CFAP53: variants seen among roughly 807,000 people sequenced by gnomAD.
CFAP53 encodes cilia and flagella associated protein 53.
Under a neutral mutation model 59.7 loss-of-function variants are expected in CFAP53, and 62 were observed. The observed-to-expected ratio is 1.04, with a 90% CI of 0.85 to 1.28. The LOEUF is 1.28. Ranked by LOEUF, CFAP53 falls within the 50% of genes most tolerant of loss-of-function variation. CFAP53 has a pLI of 0.00. For missense variants in CFAP53, 629 were observed against 615.6 expected, an observed-to-expected ratio of 1.02 and a Z score of -0.23; for synonymous variants, 218 against 205.7, an observed-to-expected ratio of 1.06 and a Z score of -0.51.
At chr18:50,251,948 C>T (rs1305871339) in intron 3 of CFAP53, among the ~76,000 whole-genome samples, 164 bp from the exon 4 acceptor site, 1 of 152,128 alleles carries the variant, frequency 6.6e-6, no homozygotes, top group Non-Finnish European at 1.5e-5. Context: ...AGGGCAAGCA[C>T]CAGGATGGCA....
At chr18:50,262,652 T>C (rs1475541027) in intron 1 of CFAP53, among the ~76,000 whole-genome samples, 4 of 152,202 alleles carry the variant, frequency 2.6e-5, no homozygotes, top group African/African-American at 7.2e-5. Flanking sequence ...TTGGACACCA[T>C]AGTTATCACA....
intron 6 of CFAP53, among the ~76,000 whole-genome samples, chr18:50,242,105 G>A (rs1243845217): frequency 6.6e-6 from 1 of 152,180 alleles, no homozygotes; most frequent in African/African-American, 2.4e-5. Context: ...GAAAAACATG[G>A]CTCTATTCTG....
intron 6 of CFAP53, among the ~76,000 whole-genome samples, chr18:50,241,924 G>C (rs1031405009): frequency 1.3e-5 from 2 of 152,150 alleles, no homozygotes; most frequent in Non-Finnish European, 2.9e-5. Context: ...TAAGCCTGAG[G>C]GTACTGCAGG....
intron 3 of CFAP53, among the ~76,000 whole-genome samples, chr18:50,254,176 G>A (rs1400084943): frequency 1.3e-5 from 2 of 149,092 alleles, no homozygotes; most frequent in East Asian, 1.9e-4. Flanking sequence ...AAAAAACCAC[G>A]TATCGGACAA....
intron 3 of CFAP53, among the ~76,000 whole-genome samples, chr18:50,254,192 T>C (rs2033826291): frequency 6.8e-6 from 1 of 147,456 alleles, no homozygotes; most frequent in African/African-American, 2.5e-5. Flanking sequence ...GACAAAGAAG[T>C]ACTGTCTAGA....
At chr18:50,263,051 C>T (rs891590594) in intron 1 of CFAP53, among the ~76,000 whole-genome samples, 8 of 152,292 alleles carry the variant, frequency 5.3e-5, no homozygotes, top group Non-Finnish European at 1.0e-4. Context: ...ATCACATAGC[C>T]TATATCTTTT....
intron 7 of CFAP53, among the ~76,000 whole-genome samples, chr18:50,233,629 C>A (rs376059570): frequency 2.0e-4 from 30 of 152,346 alleles, no homozygotes; most frequent in Admixed American, 8.5e-4. Flanking sequence ...TACATATTGT[C>A]ATTTTCCTTA....
rs1384654109 is a variant in CFAP53 at position 50,255,884 on chromosome 18, G to A, written c.474-4100C>T. ...CAATGGAATACAAAAAAAAAAAGAG[G>A]AAAATTTTCATTCTGCTTTATATTA... On this transcript the variant is annotated intron_variant, in intron 3 of 7. Coordinates refer to ENST00000398545, the MANE Select transcript of CFAP53 (RefSeq NM_145020.5). 4.0e-5 allele frequency among the ~76,000 whole-genome samples: 6 copies of A among 151,184 alleles called. No individual in the cohort carries two copies. The East Asian group carries it at 5.8e-4, about 15-fold the overall frequency.
chr18:50,242,784 C>CT (rs1324616800), intron 6 of CFAP53, 116 bp downstream of exon 6: 7 of 851,602 alleles, frequency 8.2e-6, no homozygotes, highest in African/African-American at 1.7e-5. Flanking sequence ...TGCCTTCATC[C>CT]TTTTTGCATC....
chr18:50,260,164 C>G (rs574100299), intron 3 of CFAP53, among the ~76,000 whole-genome samples: 114 of 152,242 alleles, frequency 7.5e-4, no homozygotes, highest in African/African-American at 2.6e-3. Flanking sequence ...AGGGCACAGA[C>G]TCAGAGTATC....
chr18:50,245,318 C>T (rs1257871460), intron 5 of CFAP53, among the ~76,000 whole-genome samples: 1 of 146,052 alleles, frequency 6.8e-6, no homozygotes, highest in Admixed American at 7.0e-5. Context: ...GGAAGCGGAG[C>T]TTGCAGTGAG....
rs780604229 is a variant in CFAP53 at position 50,243,065 on chromosome 18, G to T, written c.1048C>A (p.Arg350Ser). Residue 350 changes from arginine (R) to serine (S), a missense_variant, in exon 6 of 8, where the codon CGT (arginine) becomes AGT (serine). Arg to Ser is a moderately radical substitution (Grantham distance 110). Transcript: ENST00000398545. ...TTCTCCTGAGCTTTTTCTTCCTCAC[G>T]TCTCTGTGCCAAATATTTATGGTAT... ...KIYHKYLAQR[R>S]EEEKAQEKEF... 6.2e-7 allele frequency: 1 copy of T among 1,612,956 alleles called. No individual in the cohort carries two copies.
chr18:50,261,383 T>G (rs1005728136), intron 2 of CFAP53, 146 bp from the exon 3 acceptor site: 1 of 988,722 alleles, frequency 1.0e-6, no homozygotes, highest in Non-Finnish European at 1.4e-6. Context: ...GGTTGGTTTG[T>G]TTTTTTGTTT....
rs1198042815 is a variant in CFAP53, at chr18:50,266,350, T to C, written c.55A>G (p.Lys19Glu). The change falls in exon 1 of 8, where the codon AAA becomes GAA. Residue 19 changes from lysine (K) to glutamate (E), a missense_variant. By Grantham distance (56) the Lys-to-Glu change is moderately conservative (BLOSUM62 1). Transcript: ENST00000398545. ...CCTGTGCTTACCACGATCACCACTT[T>C]GGGGGTGGGGCCCTTAACCTCCCGC... Reference protein sequence around the residue: ...VQREVKGPTPKVVIVRSKPPK... With the variant: ...VQREVKGPTPEVVIVRSKPPK... 2 of 1,614,254 alleles carry C rather than the reference T, an allele frequency of 1.2e-6. No individual in the cohort carries two copies. Among genetic ancestry groups the C allele is most frequent in the Non-Finnish European group, 1.7e-6 (2 of 1,180,036 alleles).
At chr18:50,264,646 T>C (rs1467928957) in intron 1 of CFAP53, among the ~76,000 whole-genome samples, 1 of 152,244 alleles carries the variant, frequency 6.6e-6, no homozygotes, top group Non-Finnish European at 1.5e-5. Context: ...AACATCTATC[T>C]TTCTTATCAC....
rs963612923 is a variant in CFAP53 at position 50,242,925 on chromosome 18, T to C, written c.1188A>G (p.Thr396=). 1 of 1,613,714 alleles carries C rather than the reference T, an allele frequency of 6.2e-7. No individual in the cohort carries two copies. Among genetic ancestry groups the C allele is most frequent in the Non-Finnish European group, 8.5e-7 (1 of 1,179,992 alleles). Residue 396 remains threonine (T), a synonymous_variant, in exon 6 of 8, where the codon ACA becomes ACG. Transcript: ENST00000398545. The stretch of plus-strand genomic sequence containing the variant: ...ACTTTTCTTGAACTTGAAGTTTTCT[T>C]GTACACATGACCTCATCCACAAGCT... ...RRQLVDEVMC[T]RKLQVQEKLQ...
intron 5 of CFAP53, among the ~76,000 whole-genome samples, chr18:50,245,109 G>A (rs1457623537): frequency 3.3e-5 from 5 of 150,688 alleles, no homozygotes; most frequent in South Asian, 2.1e-4. Flanking sequence ...AAGGCTGGGC[G>A]CGGTGGCTCA....
chr18:50,241,555 C>T (rs566164786), intron 6 of CFAP53, among the ~76,000 whole-genome samples: 21 of 152,106 alleles, frequency 1.4e-4, no homozygotes, highest in Admixed American at 3.3e-4. Context: ...CCCTAAGTGT[C>T]GGCTGGTCTG....
At chr18:50,241,422 G>A (rs1184073466) in intron 6 of CFAP53, among the ~76,000 whole-genome samples, 1 of 152,122 alleles carries the variant, frequency 6.6e-6, no homozygotes, top group African/African-American at 2.4e-5. Flanking sequence ...AATTGAGCTG[G>A]CATTGAAAGA....
Sources: allele counts gnomAD v4.1 joint callset (sites outside exome capture counted in the v4.1 genomes callset), GRCh38; gene constraint gnomAD v4.1.1; transcripts MANE v1.5; gene names NCBI Gene and HGNC (gene_info 2026-07-23, HGNC 2026-07-21).